The following BAHD1 variants were observed in gnomAD, a reference collection of about 807,000 sequenced individuals.
The protein encoded by BAHD1 is bromo adjacent homology domain-containing 1 protein.
BAHD1 carries 20 observed loss-of-function variants against 63.1 expected under a neutral mutation model. That is an observed-to-expected ratio of 0.32 (90% CI 0.22 to 0.46). The LOEUF (loss-of-function observed/expected upper bound fraction) is 0.46, where lower values mean the gene tolerates loss of function less well. BAHD1 is among the 20% of genes least tolerant of loss of function. The pLI is 1.00. For synonymous variants in BAHD1, 408 were observed against 426.8 expected, an observed-to-expected ratio of 0.96 and a Z score of 0.54; for missense variants, 939 against 1,071.8, an observed-to-expected ratio of 0.88 and a Z score of 1.73.
intron 1 of BAHD1, among the ~76,000 whole-genome samples, chr15:40,444,758 C>G (rs1313042044): frequency 6.6e-6 from 1 of 152,134 alleles, no homozygotes; most frequent in Non-Finnish European, 1.5e-5. Flanking sequence ...CACCATCAAC[C>G]CTGGACCATG....
At chr15:40,460,765 G>C (rs1894016542) in intron 2 of BAHD1, among the ~76,000 whole-genome samples, 1 of 152,060 alleles carries the variant, frequency 6.6e-6, no homozygotes, top group Non-Finnish European at 1.5e-5. Flanking sequence ...GGACCTTCCA[G>C]ATCTCCCTTC....
At chr15:40,442,586 G>A (rs1365607732) in intron 1 of BAHD1, among the ~76,000 whole-genome samples, 1 of 152,152 alleles carries the variant, frequency 6.6e-6, no homozygotes, top group African/African-American at 2.4e-5. Flanking sequence ...ACATCTCCTA[G>A]TCGCCCATTG....
chr15:40,440,008 G>A (rs1046173455), upstream of BAHD1: 5 of 152,356 alleles, frequency 3.3e-5, no homozygotes, highest in Non-Finnish European at 7.3e-5. Flanking sequence ...GGGGACGCGA[G>A]GGAGGGAGTC....
Position 40,466,284 on chromosome 15 carries a change from T to C in BAHD1, c.*154T>C. 1.4e-6 allele frequency: 1 copy of C among 698,644 alleles called. No individual in the cohort carries two copies. 43.3% of individuals were successfully genotyped at this position (698,644 alleles called of 1,614,324 possible). On this transcript the variant is annotated 3_prime_UTR_variant, in exon 7 of 7. Coordinates refer to ENST00000416165, the MANE Select transcript of BAHD1 (RefSeq NM_014952.5). Reference sequence around the variant, plus strand: ...GGGGAGGGCAGGGGCCCCTGTGGGTTCTGGGCTCCAGGGGAGGGAGCTGGG... The same window carrying C: ...GGGGAGGGCAGGGGCCCCTGTGGGTCCTGGGCTCCAGGGGAGGGAGCTGGG...
intron 4 of BAHD1, 149 bp downstream of exon 4, chr15:40,464,169 C>A: frequency 1.0e-6 from 1 of 979,870 alleles, no homozygotes; most frequent in Non-Finnish European, 1.5e-6. Flanking sequence ...TGGGGTCTCT[C>A]TGCTGCCGAG....
In BAHD1 at chr15:40,465,929, A is replaced by G. The variant is rs779173963; in HGVS notation, c.2154-12A>G. ...GGCTGGAGTAAAGACAGTGAATGGT[A>G]TCTCTCTACAGGTTCTGTGCCATGG... On this transcript the variant is annotated splice_polypyrimidine_tract_variant and intron_variant, in intron 6 of 6. Transcript: ENST00000416165. The G allele has an allele frequency of 1.9e-6, 3 of 1,554,026 alleles. No homozygotes were observed. The highest frequency in any genetic ancestry group is 1.2e-5 in the South Asian group (1 of 81,626).
chr15:40,449,518 G>A (rs1373925968), intron 1 of BAHD1, among the ~76,000 whole-genome samples: 2 of 152,134 alleles, frequency 1.3e-5, no homozygotes, highest in Non-Finnish European at 2.9e-5. Flanking sequence ...AGGAGGATGA[G>A]GCCAGGCATG....
chr15:40,456,273 C>T lies in BAHD1; in HGVS notation c.-14-2178C>T, dbSNP rs185966691. 4.9e-3 allele frequency among the ~76,000 whole-genome samples: 746 copies of T among 152,334 alleles called. 3 individuals are homozygous for T. The highest frequency in any genetic ancestry group is 0.01 in the Middle Eastern group (3 of 294). Reference sequence around the variant, plus strand: ...GATTATGGGCATGAGCCACCACGCCCGGCATTGCCAATAAGCCTGCTGAGC... The same window carrying T: ...GATTATGGGCATGAGCCACCACGCCTGGCATTGCCAATAAGCCTGCTGAGC... On this transcript the variant is annotated intron_variant, in intron 1 of 6. Transcript: ENST00000416165.
Position 40,441,273 on chromosome 15 carries a change from G to C in BAHD1, c.-15+5G>C, listed in dbSNP as rs1893392261. The C allele has an allele frequency of 6.6e-6, 1 of 151,686 alleles. No homozygotes were observed. The allele number at this position is 151,686 out of a possible 1,614,324, so 9.4% of individuals were successfully genotyped here. A position where few individuals can be genotyped will look rare whatever the true frequency, so the allele number is the denominator to read the frequency against. On this transcript the variant is annotated splice_donor_5th_base_variant and intron_variant, in intron 1 of 6. Transcript: ENST00000416165. ...CCGTCCGCGCCGCCCGTTCTGGTGA[G>C]TCAGGGGCCGGGGTCGAGGAGGGGG...
rs1036828597 is a variant in BAHD1 at position 40,464,892 on chromosome 15, TAGGGG to T, written c.2052+359_2052+363del. The T allele has an allele frequency of 1.0e-4, 40 of 391,140 alleles. 1 individual carries two copies. Among genetic ancestry groups the T allele is most frequent in the Middle Eastern group, 7.3e-4 (1 of 1,368 alleles). The allele number at this position is 391,140 out of a possible 1,614,324, so 24.2% of individuals were successfully genotyped here. A position where few individuals can be genotyped will look rare whatever the true frequency, so the allele number is the denominator to read the frequency against. On this transcript the variant is annotated intron_variant, in intron 5 of 6. Transcript: ENST00000416165. ...TGGTCACTTTTGGTATTTTCTGTAG[TAGGGG>T]AGGGGAGGGGAGGAAAGACTCCTCC...
At chr15:40,452,669 G>A (rs906659550) in intron 1 of BAHD1, among the ~76,000 whole-genome samples, 3 of 152,082 alleles carry the variant, frequency 2.0e-5, no homozygotes, top group African/African-American at 7.2e-5. Flanking sequence ...CCAGCACCCC[G>A]TGCTCCCCTG....
At chr15:40,460,988 G>A (rs1327056559) in intron 2 of BAHD1, among the ~76,000 whole-genome samples, 1 of 152,154 alleles carries the variant, frequency 6.6e-6, no homozygotes, top group East Asian at 1.9e-4. Context: ...TAAACACCAT[G>A]TACCAGGCAC....
In BAHD1 at chr15:40,458,564, G is replaced by C; in HGVS notation, c.100G>C (p.Val34Leu). Residue 34 changes from valine to leucine, a missense_variant, in exon 2 of 7, where the codon GTT becomes CTT. Val to Leu is a conservative substitution (Grantham distance 32). This residue lies in a region of BAHD1 where 797 missense variants were observed against 813.3 expected (regional missense o/e 0.98). Transcript: ENST00000416165. The surrounding 1 kb of genome is among the most constrained non-coding windows in gnomAD (Gnocchi z 4.7). The part of the protein sequence containing the change: ...QMEDSNMEQG[V>L]EGVEPGMPES... ...GGAAGACAGCAACATGGAGCAGGGGGTTGAGGGTGTGGAGCCAGGCATGCC... is the reference window on the plus strand; with the variant it reads ...GGAAGACAGCAACATGGAGCAGGGGCTTGAGGGTGTGGAGCCAGGCATGCC... 1 of 1,613,994 alleles carries C rather than the reference G, an allele frequency of 6.2e-7. No homozygotes were observed. The highest frequency in any genetic ancestry group is 2.2e-5 in the East Asian group (1 of 44,878).
upstream of BAHD1, among the ~76,000 whole-genome samples, chr15:40,440,151 T>C (rs941584690): frequency 7.2e-5 from 11 of 152,034 alleles, no homozygotes; most frequent in Admixed American, 6.5e-5. Context: ...TGGAAATGGA[T>C]GAGGGCTCCA....
At chr15:40,465,533 T>C in intron 6 of BAHD1, 98 bp downstream of exon 6, 3 of 919,542 alleles carry the variant, frequency 3.3e-6, no homozygotes, top group Non-Finnish European at 5.3e-6. Flanking sequence ...CTCATTCTGC[T>C]CTCTACCTGA....
chr15:40,459,230 A>T lies in BAHD1; in HGVS notation c.766A>T (p.Asn256Tyr). The change falls in exon 2 of 7, where the codon AAC becomes TAC. Residue 256 changes from asparagine (N) to tyrosine (Y), a missense_variant. Coordinates refer to ENST00000416165, the MANE Select transcript of BAHD1 (RefSeq NM_014952.5). ...RPKWPKVNGK[N>Y]YPKAWQGASS... ...AAAGTGGCCCAAGGTCAATGGCAAG[A>T]ACTATCCCAAGGCTTGGCAGGGGGC... is the stretch of plus-strand genomic sequence containing the variant. 1 of 1,612,304 alleles carries T rather than the reference A, an allele frequency of 6.2e-7. No homozygotes were observed.
intron 1 of BAHD1, among the ~76,000 whole-genome samples, chr15:40,457,467 C>T (rs937151277): frequency 6.6e-6 from 1 of 152,138 alleles, no homozygotes; most frequent in Non-Finnish European, 1.5e-5. Context: ...GACCTCTCCA[C>T]CATGGGCCCC....
intron 6 of BAHD1, 56 bp from the exon 7 acceptor site, chr15:40,465,885 T>C (rs999693577): frequency 6.6e-7 from 1 of 1,511,618 alleles, no homozygotes; most frequent in Non-Finnish European, 8.9e-7. Context: ...AGGGAAGGAA[T>C]TGGTCTTCCT....
At chr15:40,452,666 C>G (rs1893740368) in intron 1 of BAHD1, among the ~76,000 whole-genome samples, 1 of 152,142 alleles carries the variant, frequency 6.6e-6, no homozygotes, top group African/African-American at 2.4e-5. Flanking sequence ...GTGCCAGCAC[C>G]CCGTGCTCCC....
Sources: allele counts gnomAD v4.1 joint callset (sites outside exome capture counted in the v4.1 genomes callset), GRCh38; gene constraint gnomAD v4.1.1; regional missense constraint gnomAD v4.1.1; non-coding constraint Gnocchi (gnomAD v3.1); transcripts MANE v1.5; gene names NCBI Gene and HGNC (gene_info 2026-07-23, HGNC 2026-07-21).